Variants in SVOPL observed in about 807,000 individuals in gnomAD.
The protein encoded by SVOPL is SVOP like.
In SVOPL, 60 loss-of-function variants were observed where a neutral mutation model predicts 61.0. The ratio of observed to expected loss-of-function variants is 0.98; its 90% confidence interval spans 0.80 to 1.22. The LOEUF is 1.22. SVOPL is among the 50% of genes most tolerant of loss of function. The pLI, the probability that SVOPL is intolerant of heterozygous loss-of-function variation, is 0.00. For missense variants in SVOPL, 662 were observed against 643.9 expected, an observed-to-expected ratio of 1.03 and a Z score of -0.30; for synonymous variants, 279 against 250.0, an observed-to-expected ratio of 1.12 and a Z score of -1.09.
At chr7:138,684,415 A>G (rs900205988) in intron 1 of SVOPL, among the ~76,000 whole-genome samples, 21 of 152,172 alleles carry the variant, frequency 1.4e-4, no homozygotes, top group Admixed American at 8.5e-4. Context: ...GCAAAACTCA[A>G]AAAACTCAAA....
chr7:138,687,092 G>T (rs1019467449), intron 1 of SVOPL, among the ~76,000 whole-genome samples: 2 of 151,994 alleles, frequency 1.3e-5, no homozygotes, highest in African/African-American at 4.8e-5. Context: ...AAAATAATTG[G>T]TCTCTCAGCC....
At chr7:138,611,911 G>T (rs1281268085) in intron 14 of SVOPL, among the ~76,000 whole-genome samples, 2 of 46,694 alleles carry the variant, frequency 4.3e-5, no homozygotes, top group Admixed American at 3.5e-4. Flanking sequence ...ACAGCTCATT[G>T]AGAACGGGCC....
chr7:138,697,943 T>A, intron 1 of SVOPL, among the ~76,000 whole-genome samples: 1 of 150,174 alleles, frequency 6.7e-6, no homozygotes, highest in Non-Finnish European at 1.5e-5. Flanking sequence ...TATAATTTTA[T>A]GCCAACTAAA....
intron 14 of SVOPL, among the ~76,000 whole-genome samples, chr7:138,612,508 ATTTTTTT>A (rs71178002): frequency 1.4e-5 from 1 of 70,822 alleles, no homozygotes; most frequent in African/African-American, 4.8e-5. Flanking sequence ...GCCAGACTTA[ATTTTTTT>A]TTTTTTTTTT....
At chr7:138,599,971 T>C (rs578115346) in intron 14 of SVOPL, among the ~76,000 whole-genome samples, 7 of 152,068 alleles carry the variant, frequency 4.6e-5, no homozygotes, top group African/African-American at 1.7e-4. Context: ...TTTATAAATA[T>C]TTGCAGAAAT....
At chr7:138,615,840 G>A (rs1033574229) in intron 14 of SVOPL, among the ~76,000 whole-genome samples, 1 of 149,500 alleles carries the variant, frequency 6.7e-6, no homozygotes, top group Non-Finnish European at 1.5e-5. Flanking sequence ...GTTTAAGAAA[G>A]GAAAAATTTT....
chr7:138,663,414 G>C, intron 4 of SVOPL: 1 of 1,352,210 alleles, frequency 7.4e-7, no homozygotes, highest in Non-Finnish European at 9.5e-7. Flanking sequence ...GGACGGCTTC[G>C]GCTCCACTCT....
intron 14 of SVOPL, among the ~76,000 whole-genome samples, chr7:138,617,652 C>G (rs1228497764): frequency 6.6e-6 from 1 of 152,100 alleles, no homozygotes; most frequent in Non-Finnish European, 1.5e-5. Flanking sequence ...CTGAGCAACA[C>G]AGTGAGACCT....
intron 14 of SVOPL, among the ~76,000 whole-genome samples, chr7:138,608,330 T>C (rs548640350): frequency 6.6e-6 from 1 of 152,280 alleles, no homozygotes; most frequent in African/African-American, 2.4e-5. Flanking sequence ...ATAAATCTCA[T>C]TAGAGTAATA....
At chr7:138,693,600 A>AGAAAGAAAAAAG (rs1491382235) in intron 1 of SVOPL, among the ~76,000 whole-genome samples, 3 of 151,408 alleles carry the variant, frequency 2.0e-5, no homozygotes, top group African/African-American at 4.9e-5. Context: ...AAAAAAGGAA[A>AGAAAGAAAAAAG]GAAAGAAAAA....
At chr7:138,600,820 A>G (rs1023839975) in intron 14 of SVOPL, among the ~76,000 whole-genome samples, 2 of 152,136 alleles carry the variant, frequency 1.3e-5, no homozygotes, top group Non-Finnish European at 2.9e-5. Context: ...CAAACACGAG[A>G]TAAGCTTTGG....
At chr7:138,629,986 C>T in intron 10 of SVOPL, 63 bp downstream of exon 10, 1 of 1,378,410 alleles carries the variant, frequency 7.3e-7, no homozygotes, top group Non-Finnish European at 1.0e-6. Flanking sequence ...CATAGATTTA[C>T]TTAAATAGGC....
chr7:138,642,831 C>CAAAAAAA (rs749603417), intron 9 of SVOPL, among the ~76,000 whole-genome samples: 2 of 26,922 alleles, frequency 7.4e-5, no homozygotes, highest in South Asian at 3.9e-3. Context: ...CTCCTACCTC[C>CAAAAAAA]AAAAAAAAAA....
chr7:138,614,834 C>A (rs1170872163), intron 14 of SVOPL, among the ~76,000 whole-genome samples: 1 of 152,184 alleles, frequency 6.6e-6, no homozygotes, highest in African/African-American at 2.4e-5. Context: ...CACAAATGGG[C>A]TTTTCCACTG....
chr7:138,639,673 G>C (rs1045147675), intron 9 of SVOPL, among the ~76,000 whole-genome samples: 1 of 151,636 alleles, frequency 6.6e-6, no homozygotes, highest in Non-Finnish European at 1.5e-5. Context: ...GAAAAGGAAG[G>C]GGGAAAAAAA....
intron 14 of SVOPL, among the ~76,000 whole-genome samples, chr7:138,610,947 C>T (rs970952779): frequency 6.6e-6 from 1 of 152,244 alleles, no homozygotes; most frequent in East Asian, 1.9e-4. Flanking sequence ...TGTTTCACTT[C>T]ACTGACTGTG....
intron 14 of SVOPL, among the ~76,000 whole-genome samples, chr7:138,618,781 G>GGAAA (rs1365409969): frequency 6.8e-6 from 1 of 146,574 alleles, no homozygotes; most frequent in Non-Finnish European, 1.5e-5. Context: ...AAGGAAGGAA[G>GGAAA]GAAACAGAAA....
chr7:138,680,833 C>T (rs1463930267), intron 1 of SVOPL, among the ~76,000 whole-genome samples: 1 of 152,148 alleles, frequency 6.6e-6, no homozygotes, highest in African/African-American at 2.4e-5. Flanking sequence ...CCCGCATCGG[C>T]CTCCCAAAGT....
intron 9 of SVOPL, among the ~76,000 whole-genome samples, chr7:138,636,720 C>T (rs1800486609): frequency 2.0e-5 from 3 of 152,152 alleles, no homozygotes; most frequent in Admixed American, 2.0e-4. Context: ...ACCCACCCAC[C>T]TCGGCCTCCC....
Sources: allele counts gnomAD v4.1 joint callset (sites outside exome capture counted in the v4.1 genomes callset), GRCh38; gene constraint gnomAD v4.1.1; transcripts MANE v1.5; gene names NCBI Gene and HGNC (gene_info 2026-07-23, HGNC 2026-07-21).